The following ADAMTSL3 variants were observed in gnomAD, a reference collection of about 807,000 sequenced individuals.
The protein encoded by ADAMTSL3 is ADAMTS-like protein 3.
A neutral mutation model predicts 201.7 loss-of-function variants in ADAMTSL3; 128 were observed. That is an observed-to-expected ratio of 0.63 (90% CI 0.55 to 0.73). The LOEUF (loss-of-function observed/expected upper bound fraction) is 0.73, where lower values mean the gene tolerates loss of function less well. ADAMTSL3 is among the 30% of genes least tolerant of loss of function. The pLI is 0.00. For synonymous variants in ADAMTSL3, 738 were observed against 748.4 expected (o/e 0.99, Z 0.23); for missense variants, 1,990 against 2,119.6 (o/e 0.94, Z 1.20).
At chr15:83,861,470 T>A (rs2064859235) in intron 8 of ADAMTSL3, 1 of 173,986 alleles carries the variant, frequency 5.7e-6, no homozygotes, top group Admixed American at 6.3e-5. Flanking sequence ...TTCACCAATA[T>A]CCTCTGTTCT....
rs1567281926 is a variant in ADAMTSL3 at position 83,983,346 on chromosome 15, T to C, written c.3716+2T>C. 1 of 1,470,384 alleles carries C rather than the reference T, an allele frequency of 6.8e-7. No homozygotes were observed. The highest frequency in any genetic ancestry group is 9.0e-7 in the Non-Finnish European group (1 of 1,108,286). 91.1% of individuals were successfully genotyped at this position (1,470,384 alleles called of 1,614,324 possible). A position where few individuals can be genotyped will look rare whatever the true frequency, so the allele number is the denominator to read the frequency against. On this transcript the variant is annotated splice_donor_variant, in intron 21 of 29. Transcript: ENST00000286744. LOFTEE classifies it high-confidence loss of function. ...AACCTTGTTACAGCCCTCAGTAAAG[T>C]AAGTAAAATAAAAATGCAGTATTCA... is the stretch of plus-strand genomic sequence containing the variant.
intron 7 of ADAMTSL3, among the ~76,000 whole-genome samples, chr15:83,855,464 G>A (rs2064711982): frequency 6.6e-6 from 1 of 152,170 alleles, no homozygotes; most frequent in African/African-American, 2.4e-5. Flanking sequence ...AGACAGCTTT[G>A]TGAGTGAAGT....
In ADAMTSL3 at chr15:83,884,946, C is replaced by T. The variant is rs1426629767; in HGVS notation, c.961-155C>T. On this transcript the variant is annotated intron_variant, in intron 9 of 29. Transcript: ENST00000286744. ...TTTATGACAAATCTTAATGAAATGT[C>T]ATCACATCTTAAACTTATTGGACTC... 2.6e-5 allele frequency among the ~76,000 whole-genome samples: 4 copies of T among 152,192 alleles called. No homozygotes were observed. The South Asian group carries it at 8.3e-4, about 32-fold the overall frequency.
At position 84,031,338 on chromosome 15, in the gene ADAMTSL3, CCT is replaced by C; in HGVS notation, c.4661_4662del (p.Pro1554ArgfsTer23). On this transcript the variant is annotated frameshift_variant, in exon 28 of 30. Coordinates refer to ENST00000286744, the MANE Select transcript of ADAMTSL3 (RefSeq NM_207517.3). LOFTEE classifies it high-confidence loss of function. Reference protein sequence around the residue: ...CVQWEPGNRCPGRCMGRAVRM... With the variant: ...CVQWEPGNRCXGRCMGRAVRM... ...GCACTGTGCTTTTTTGTTCCAGTGT[CCT>C]GGACGTTGCATGGGCCGTGCTGTGA... The C allele has an allele frequency of 6.2e-7, 1 of 1,613,798 alleles. No individual in the cohort carries two copies. Among genetic ancestry groups the C allele is most frequent in the Non-Finnish European group, 8.5e-7 (1 of 1,179,954 alleles).
chr15:83,943,895 C>A (rs2066608540), intron 19 of ADAMTSL3, among the ~76,000 whole-genome samples: 1 of 152,156 alleles, frequency 6.6e-6, no homozygotes, highest in Non-Finnish European at 1.5e-5. Flanking sequence ...AGTTTATTCA[C>A]AGGGAATACA....
At chr15:83,970,442 G>T (rs983008015) in intron 19 of ADAMTSL3, 42 bp from the exon 20 acceptor site, 1 of 1,612,078 alleles carries the variant, frequency 6.2e-7, no homozygotes, top group Non-Finnish European at 8.5e-7. Flanking sequence ...GGGTCTGCCT[G>T]CTCATGCTCC....
At chr15:83,963,136 C>T (rs1468877463) in intron 19 of ADAMTSL3, among the ~76,000 whole-genome samples, 1 of 152,164 alleles carries the variant, frequency 6.6e-6, no homozygotes, top group Non-Finnish European at 1.5e-5. Flanking sequence ...TTTTTTCATA[C>T]CTCAGTGGTG....
At chr15:83,942,871 G>A (rs961738308) in intron 18 of ADAMTSL3, 32 bp from the exon 19 acceptor site, 1 of 1,606,718 alleles carries the variant, frequency 6.2e-7, no homozygotes, top group Non-Finnish European at 8.5e-7. Flanking sequence ...AGTGGGCCAA[G>A]CCTGCCGCCT....
intron 6 of ADAMTSL3, among the ~76,000 whole-genome samples, chr15:83,837,082 A>G (rs1481973440): frequency 6.6e-6 from 1 of 152,212 alleles, no homozygotes; most frequent in East Asian, 1.9e-4. Flanking sequence ...ACACATATGT[A>G]CACATGAAAA....
intron 4 of ADAMTSL3, among the ~76,000 whole-genome samples, chr15:83,787,519 C>T (rs754950501): frequency 1.3e-5 from 2 of 151,984 alleles, no homozygotes; most frequent in Non-Finnish European, 2.9e-5. Flanking sequence ...TATTTAAAAA[C>T]ATCATTTTTT....
At chr15:84,022,191 T>G (rs1225600969) in intron 26 of ADAMTSL3, among the ~76,000 whole-genome samples, 1 of 152,180 alleles carries the variant, frequency 6.6e-6, no homozygotes, top group Non-Finnish European at 1.5e-5. Context: ...CCATCCATTC[T>G]TGTCCATTTC....
At chr15:83,738,158 C>T (rs1489280110) in intron 3 of ADAMTSL3, among the ~76,000 whole-genome samples, 1 of 152,018 alleles carries the variant, frequency 6.6e-6, no homozygotes, top group South Asian at 2.1e-4. Context: ...GATGGATGAA[C>T]AAAGAAACTG....
At chr15:83,767,362 G>T (rs576178902) in intron 3 of ADAMTSL3, among the ~76,000 whole-genome samples, 1 of 152,304 alleles carries the variant, frequency 6.6e-6, no homozygotes, top group East Asian at 1.9e-4. Context: ...GTCACAGAGT[G>T]ACATGATATT....
rs116007774 is a variant in ADAMTSL3 at position 83,880,540 on chromosome 15, A to G, written c.961-4561A>G. ...TCTGGCTCTTTATAAAATACTTGCC[A>G]AAGTCTATTTTAATCCACTTTTAAG... On this transcript the variant is annotated intron_variant, in intron 9 of 29. Coordinates refer to ENST00000286744, the MANE Select transcript of ADAMTSL3 (RefSeq NM_207517.3). Among the ~76,000 whole-genome samples, 401 of 152,354 alleles carry G rather than the reference A, an allele frequency of 2.6e-3. 1 individual carries two copies. Among genetic ancestry groups the G allele is most frequent in the African/African-American group, 9.3e-3 (387 of 41,594 alleles).
chr15:83,844,569 C>T (rs555281918), intron 7 of ADAMTSL3, among the ~76,000 whole-genome samples: 2 of 152,196 alleles, frequency 1.3e-5, no homozygotes, highest in African/African-American at 4.8e-5. Flanking sequence ...ATCAGAACTG[C>T]GATTGAGAAA....
chr15:83,788,543 A>C (rs2063298054), intron 4 of ADAMTSL3, among the ~76,000 whole-genome samples: 1 of 152,150 alleles, frequency 6.6e-6, no homozygotes, highest in South Asian at 2.1e-4. Flanking sequence ...GCTTTGCTCC[A>C]TATTCTAACA....
chr15:83,680,515 T>G (rs2061464013), intron 2 of ADAMTSL3, among the ~76,000 whole-genome samples: 1 of 147,594 alleles, frequency 6.8e-6, no homozygotes, highest in Non-Finnish European at 1.5e-5. Context: ...TAGTTGTTGT[T>G]TTTTTTTTTT....
chr15:83,886,965 G>A (rs754496638), intron 10 of ADAMTSL3, among the ~76,000 whole-genome samples: 26 of 152,198 alleles, frequency 1.7e-4, no homozygotes, highest in Non-Finnish European at 2.5e-4. Flanking sequence ...TCCCCAGTTC[G>A]CCAGCTAGTT....
At chr15:83,980,291 C>T (rs780768602) in intron 20 of ADAMTSL3, among the ~76,000 whole-genome samples, 1 of 152,288 alleles carries the variant, frequency 6.6e-6, no homozygotes, top group Non-Finnish European at 1.5e-5. Context: ...ACACTTCGTA[C>T]CATAGTAGGC....
Sources: gnomAD v4.1 joint callset for allele counts (sites outside exome capture counted in the v4.1 genomes callset) on GRCh38, gnomAD v4.1.1 for gene constraint, MANE v1.5 for transcripts, NCBI Gene and HGNC (gene_info 2026-07-23, HGNC 2026-07-21) for gene names.